STOM: variants seen among roughly 807,000 people sequenced by gnomAD.
The protein encoded by STOM is erythrocyte band 7 integral membrane protein.
A neutral mutation model predicts 30.6 loss-of-function variants in STOM; 25 were observed. The ratio of observed to expected loss-of-function variants is 0.82; its 90% confidence interval spans 0.60 to 1.14. The LOEUF (loss-of-function observed/expected upper bound fraction) is 1.14, where lower values mean the gene tolerates loss of function less well. STOM is among the 50% of genes most tolerant of loss of function. STOM has a pLI of 0.00. For synonymous variants in STOM, 118 were observed against 130.8 expected (o/e 0.90, Z 0.67); for missense variants, 292 against 365.2 (o/e 0.80, Z 1.63).
intron 1 of STOM, chr9:121,366,177 G>A (rs2064501400): frequency 2.0e-6 from 2 of 985,258 alleles, no homozygotes; most frequent in African/African-American, 1.7e-5. Flanking sequence ...GAGACTTTAG[G>A]ACTTTATTGG....
chr9:121,348,580 C>A (rs1412115188), intron 5 of STOM, among the ~76,000 whole-genome samples: 4 of 152,246 alleles, frequency 2.6e-5, no homozygotes, highest in South Asian at 2.1e-4. Context: ...TGTGCTTCAA[C>A]TTCCTCCCTT....
At position 121,348,036 on chromosome 9, in the gene STOM, C is replaced by T. The variant is rs575744116; in HGVS notation, c.639G>A (p.Ala213=). Residue 213 remains alanine, a synonymous_variant, in exon 6 of 7, where the codon GCG becomes GCA. Transcript: ENST00000286713. ...TTACCTTGGCGCGGGCCTCGCGGGA[C>T]GCTTCTGCTTCTGCAGCCATAGCTC... ...LQRAMAAEAE[A]SREARAKVIA... 7.3e-5 allele frequency: 118 copies of T among 1,614,030 alleles called. No homozygotes were observed. Among genetic ancestry groups the T allele is most frequent in the Admixed American group, 1.0e-4 (6 of 60,012 alleles).
chr9:121,352,920 G>A (rs1465822629), intron 4 of STOM, among the ~76,000 whole-genome samples: 1 of 151,980 alleles, frequency 6.6e-6, no homozygotes, highest in Non-Finnish European at 1.5e-5. Flanking sequence ...GCAAAATCCC[G>A]TGTCTACTAA....
In STOM at chr9:121,348,063, C is replaced by G; in HGVS notation, c.612G>C (p.Gln204His). The change falls in exon 6 of 7, where the codon CAG (glutamine) becomes CAC (histidine). Residue 204 changes from glutamine (Q) to histidine (H), a missense_variant. Gln to His is a conservative substitution (Grantham distance 24). Coordinates refer to ENST00000286713, the MANE Select transcript of STOM (RefSeq NM_004099.6). Reference sequence around the variant, plus strand: ...CTTCTGCTTCTGCAGCCATAGCTCTCTGGAGCTGCACAGGTAGTTTCACAT... The same window carrying G: ...CTTCTGCTTCTGCAGCCATAGCTCTGTGGAGCTGCACAGGTAGTTTCACAT... ...IKDVKLPVQL[Q>H]RAMAAEAEAS... 6.2e-7 allele frequency: 1 copy of G among 1,614,242 alleles called. No homozygotes were observed. The highest frequency in any genetic ancestry group is 8.5e-7 in the Non-Finnish European group (1 of 1,180,020).
intron 1 of STOM, chr9:121,366,193 T>G (rs934349778): frequency 3.0e-6 from 3 of 985,274 alleles, no homozygotes; most frequent in Non-Finnish European, 3.6e-6. Flanking sequence ...ATTGGTTGTA[T>G]CTTCAAGGAT....
chr9:121,341,820 GA>G (rs1188616814), intron 6 of STOM, among the ~76,000 whole-genome samples: 1 of 152,158 alleles, frequency 6.6e-6, no homozygotes, highest in African/African-American at 2.4e-5. Context: ...ATTTTTTGAT[GA>G]AAGACTGTGA....
intron 4 of STOM, among the ~76,000 whole-genome samples, chr9:121,351,864 T>A (rs2064342681): frequency 1.3e-5 from 2 of 152,242 alleles, no homozygotes; most frequent in South Asian, 4.1e-4. Context: ...TATAAAATAT[T>A]ATGTTTTATC....
intron 2 of STOM, among the ~76,000 whole-genome samples, chr9:121,355,231 C>CAATAAAAAAA (rs1554830881): frequency 2.4e-5 from 2 of 83,448 alleles, no homozygotes; most frequent in Admixed American, 1.4e-4. Context: ...GACTCCGTCT[C>CAATAAAAAAA]AAAAAAAAAA....
chr9:121,349,896 A>C (rs2064323644), intron 4 of STOM, among the ~76,000 whole-genome samples: 2 of 152,256 alleles, frequency 1.3e-5, no homozygotes, highest in South Asian at 4.1e-4. Flanking sequence ...TAAGCTAAGA[A>C]GTTATCTGAG....
intron 1 of STOM, among the ~76,000 whole-genome samples, chr9:121,366,679 G>A (rs1453621536): frequency 6.6e-6 from 1 of 152,076 alleles, no homozygotes; most frequent in Non-Finnish European, 1.5e-5. Context: ...TTTACTCCAG[G>A]GGGATTTTTA....
At position 121,339,838 on chromosome 9, in the gene STOM, C is replaced by T; in HGVS notation, c.*1364G>A. ...GACTAGGTAAATTTAAAAAGACCTA[C>T]ATCTATATAGATATTGTAAGTTTGA... is the stretch of plus-strand genomic sequence containing the variant. On this transcript the variant is annotated 3_prime_UTR_variant, in exon 7 of 7. Coordinates refer to ENST00000286713, the MANE Select transcript of STOM (RefSeq NM_004099.6). The T allele has an allele frequency of 8.4e-7, 1 of 1,187,620 alleles. No individual in the cohort carries two copies. The highest frequency in any genetic ancestry group is 1.6e-5 in the African/African-American group (1 of 63,400). The allele number at this position is 1,187,620 out of a possible 1,614,324, so 73.6% of individuals were successfully genotyped here. A position where few individuals can be genotyped will look rare whatever the true frequency, so the allele number is the denominator to read the frequency against.
In STOM at chr9:121,366,188, T is replaced by C. The variant is rs529600503; in HGVS notation, c.61+3939A>G. 683 of 985,392 alleles carry C rather than the reference T, an allele frequency of 6.9e-4. 1 individual carries two copies. Among genetic ancestry groups the C allele is most frequent in the Non-Finnish European group, 7.7e-4 (641 of 829,882 alleles). The allele number at this position is 985,392 out of a possible 1,614,324, so 61.0% of individuals were successfully genotyped here. ...GTCTGAGACTTTAGGACTTTATTGG[T>C]TGTATCTTCAAGGATAATCTTCTGA... On this transcript the variant is annotated intron_variant, in intron 1 of 6. Transcript: ENST00000286713.
chr9:121,354,919 G>A (rs1301367349), intron 2 of STOM, among the ~76,000 whole-genome samples: 1 of 152,026 alleles, frequency 6.6e-6, no homozygotes, highest in Non-Finnish European at 1.5e-5. Context: ...ATAGTATACA[G>A]AAACAAATCC....
intron 6 of STOM, among the ~76,000 whole-genome samples, chr9:121,342,671 G>A (rs1310923101): frequency 6.6e-6 from 1 of 151,982 alleles, no homozygotes; most frequent in Non-Finnish European, 1.5e-5. Flanking sequence ...TTCTCATTGG[G>A]TACATTTAAA....
intron 6 of STOM, among the ~76,000 whole-genome samples, chr9:121,344,180 C>G (rs997794841): frequency 6.6e-6 from 1 of 152,176 alleles, no homozygotes; most frequent in African/African-American, 2.4e-5. Context: ...CAAAGCCACA[C>G]ATCATGTCCT....
At chr9:121,345,659 G>A (rs1316150539) in intron 6 of STOM, among the ~76,000 whole-genome samples, 1 of 152,166 alleles carries the variant, frequency 6.6e-6, no homozygotes, top group Non-Finnish European at 1.5e-5. Flanking sequence ...ACTGCTTCTA[G>A]ACTAACCCTA....
At chr9:121,368,777 CA>C (rs1026784788) in intron 1 of STOM, among the ~76,000 whole-genome samples, 4 of 151,774 alleles carry the variant, frequency 2.6e-5, no homozygotes, top group African/African-American at 9.7e-5. Context: ...CCTGTATCTA[CA>C]AAAAATACAA....
intron 6 of STOM, among the ~76,000 whole-genome samples, chr9:121,343,953 A>G (rs1186588269): frequency 6.6e-6 from 1 of 152,172 alleles, no homozygotes; most frequent in African/African-American, 2.4e-5. Context: ...GTGGGGACAG[A>G]GAATGAAATG....
chr9:121,358,446 A>G (rs1307943389), intron 1 of STOM, among the ~76,000 whole-genome samples: 1 of 151,924 alleles, frequency 6.6e-6, no homozygotes, highest in East Asian at 1.9e-4. Flanking sequence ...CAAAGTGAGG[A>G]AAGAAAGAAA....
Sources: gnomAD v4.1 joint callset for allele counts (sites outside exome capture counted in the v4.1 genomes callset) on GRCh38, gnomAD v4.1.1 for gene constraint, MANE v1.5 for transcripts, NCBI Gene and HGNC (gene_info 2026-07-23, HGNC 2026-07-21) for gene names.